Variants in LIMS1 observed in about 807,000 individuals in gnomAD.
LIMS1 encodes the protein LIM and senescent cell antigen-like-containing domain protein 1.
LIMS1 carries 18 observed loss-of-function variants against 44.1 expected under a neutral mutation model. That is an observed-to-expected ratio of 0.41 (90% CI 0.28 to 0.61). The LOEUF (loss-of-function observed/expected upper bound fraction) is 0.61, where lower values mean the gene tolerates loss of function less well. Ranked by LOEUF, LIMS1 falls within the 20% of genes least tolerant of loss-of-function variation. The pLI is 0.32. For missense variants in LIMS1, 201 were observed against 422.0 expected (o/e 0.48, Z 4.59); for synonymous variants, 93 against 149.1 (o/e 0.62, Z 2.74).
chr2:108,599,272 AT>A lies in LIMS1; in HGVS notation c.33-60332del, dbSNP rs562133981. 3.4e-3 allele frequency among the ~76,000 whole-genome samples: 512 copies of A among 152,316 alleles called. 2 individuals carry two copies. The highest frequency in any genetic ancestry group is 0.011 in the African/African-American group (469 of 41,564). Reference sequence around the variant, plus strand: ...TTGTTTTGATTTTTAGATCCCAAAAATAAGTGAGAACAAATGATGTTTGTCT... The same window carrying A: ...TTGTTTTGATTTTTAGATCCCAAAAAAAGTGAGAACAAATGATGTTTGTCT... On this transcript the variant is annotated intron_variant, in intron 1 of 9. Transcript: ENST00000544547.
At chr2:108,545,770 A>T (rs550826656) in intron 1 of LIMS1, among the ~76,000 whole-genome samples, 1 of 152,226 alleles carries the variant, frequency 6.6e-6, no homozygotes, top group South Asian at 2.1e-4. Flanking sequence ...CACCTCTTTC[A>T]TAATAAATGG....
At chr2:108,661,961 G>A (rs538537978) in intron 2 of LIMS1, among the ~76,000 whole-genome samples, 109 of 152,162 alleles carry the variant, frequency 7.2e-4, no homozygotes, top group Non-Finnish European at 1.1e-3. Flanking sequence ...AGAGATGAGA[G>A]CCTAGCTGGT....
intron 1 of LIMS1, among the ~76,000 whole-genome samples, chr2:108,610,098 G>A (rs1048433574): frequency 5.3e-5 from 8 of 151,972 alleles, no homozygotes; most frequent in African/African-American, 1.7e-4. Flanking sequence ...AGCCCAGATC[G>A]TGCCACTGCA....
intron 1 of LIMS1, among the ~76,000 whole-genome samples, chr2:108,592,887 C>T (rs1385150022): frequency 6.6e-6 from 1 of 152,040 alleles, no homozygotes; most frequent in Non-Finnish European, 1.5e-5. Context: ...CAAATGTTCC[C>T]CTTTTTATTG....
intron 1 of LIMS1, among the ~76,000 whole-genome samples, chr2:108,545,148 T>C (rs1277768487): frequency 1.3e-5 from 2 of 152,210 alleles, no homozygotes; most frequent in African/African-American, 4.8e-5. Flanking sequence ...TTTTCTCTTG[T>C]GATTTTGTTG....
intron 1 of LIMS1, among the ~76,000 whole-genome samples, chr2:108,583,944 T>A (rs1276721651): frequency 6.6e-6 from 1 of 152,086 alleles, no homozygotes; most frequent in Non-Finnish European, 1.5e-5. Context: ...TCTGACCGCC[T>A]CGGCCTCCCA....
At chr2:108,638,236 T>C (rs1689411676) in intron 1 of LIMS1, among the ~76,000 whole-genome samples, 1 of 152,234 alleles carries the variant, frequency 6.6e-6, no homozygotes, top group African/African-American at 2.4e-5. Context: ...TTTCAAACTA[T>C]AGTGATTCTG....
chr2:108,566,808 G>C (rs1685307163), intron 1 of LIMS1, among the ~76,000 whole-genome samples: 1 of 152,058 alleles, frequency 6.6e-6, no homozygotes, highest in South Asian at 2.1e-4. Context: ...TGTTGGCCAG[G>C]CTGGTCTCAA....
intron 2 of LIMS1, among the ~76,000 whole-genome samples, chr2:108,664,396 G>A (rs1482573668): frequency 6.6e-6 from 1 of 152,174 alleles, no homozygotes; most frequent in Non-Finnish European, 1.5e-5. Context: ...GCCATTCTTG[G>A]AGCTCATCTT....
chr2:108,622,868 C>G lies in LIMS1; in HGVS notation c.33-36737C>G, dbSNP rs376484365. Among the ~76,000 whole-genome samples the G allele has an allele frequency of 1.1e-4, 16 of 151,932 alleles. 1 individual carries two copies. The East Asian group carries it at 2.1e-3, about 20-fold the overall frequency. ...TATATAAAAAAAATTCTAAACCAACCTTTTCTTTATTTTCAGACAATAGCC... is the reference window on the plus strand; with the variant it reads ...TATATAAAAAAAATTCTAAACCAACGTTTTCTTTATTTTCAGACAATAGCC... On this transcript the variant is annotated intron_variant, in intron 1 of 9. Coordinates refer to ENST00000544547, the Ensembl canonical transcript of LIMS1.
intron 1 of LIMS1, among the ~76,000 whole-genome samples, chr2:108,588,099 G>A (rs1158679710): frequency 6.6e-6 from 1 of 152,092 alleles, no homozygotes; most frequent in African/African-American, 2.4e-5. Flanking sequence ...ATATTTGTCT[G>A]CATGTTATAT....
At chr2:108,669,219 C>A (rs1353001509) in intron 2 of LIMS1, among the ~76,000 whole-genome samples, 1 of 151,936 alleles carries the variant, frequency 6.6e-6, no homozygotes, top group African/African-American at 2.4e-5. Context: ...ACCAGCCTGG[C>A]CAACATGGTG....
chr2:108,604,385 A>C (rs1687162049), intron 1 of LIMS1, among the ~76,000 whole-genome samples: 1 of 152,242 alleles, frequency 6.6e-6, no homozygotes, highest in Non-Finnish European at 1.5e-5. Context: ...ACTAGTCACC[A>C]CAAAGACTTT....
intron 1 of LIMS1, chr2:108,588,717 C>A: frequency 1.7e-6 from 1 of 604,130 alleles, no homozygotes; most frequent in Non-Finnish European, 2.1e-6. Flanking sequence ...TGTTGAAACT[C>A]TCTATGCAGA....
At chr2:108,596,888 G>C (rs1212264278) in intron 1 of LIMS1, among the ~76,000 whole-genome samples, 7 of 148,694 alleles carry the variant, frequency 4.7e-5, no homozygotes, top group African/African-American at 1.5e-4. Flanking sequence ...ACTTGGGATG[G>C]TTCATTAATT....
chr2:108,667,639 G>T (rs1161390513), intron 2 of LIMS1, among the ~76,000 whole-genome samples: 4 of 149,082 alleles, frequency 2.7e-5, no homozygotes, highest in Non-Finnish European at 5.9e-5. Flanking sequence ...CAGAATAAAA[G>T]TTGATCATTT....
At chr2:108,586,331 C>A (rs1421442112) in intron 1 of LIMS1, among the ~76,000 whole-genome samples, 1 of 152,120 alleles carries the variant, frequency 6.6e-6, no homozygotes, top group Non-Finnish European at 1.5e-5. Flanking sequence ...ACAAACTCTT[C>A]GGGGGAAAGA....
intron 1 of LIMS1, among the ~76,000 whole-genome samples, chr2:108,559,669 A>G (rs1484894353): frequency 6.6e-6 from 1 of 152,196 alleles, no homozygotes; most frequent in Non-Finnish European, 1.5e-5. Context: ...GAAATTGGAA[A>G]TATTCTGTCT....
chr2:108,649,755 G>C (rs1418751651), intron 1 of LIMS1, among the ~76,000 whole-genome samples: 1 of 152,066 alleles, frequency 6.6e-6, no homozygotes, highest in Non-Finnish European at 1.5e-5. Context: ...TCTCATAAGT[G>C]GGAGTTGAAC....
Sources: gnomAD v4.1 joint callset for allele counts (sites outside exome capture counted in the v4.1 genomes callset) on GRCh38, gnomAD v4.1.1 for gene constraint, MANE v1.5 for transcripts, NCBI Gene and HGNC (gene_info 2026-07-23, HGNC 2026-07-21) for gene names.